MTSS1: variants seen among roughly 807,000 people sequenced by gnomAD.
MTSS1 encodes protein MTSS 1.
In MTSS1, 18 loss-of-function variants were observed where a neutral mutation model predicts 79.0. The observed-to-expected ratio is 0.23, with a 90% CI of 0.16 to 0.34. The LOEUF is 0.34. Among genes scored for constraint, MTSS1 ranks in the 10% least tolerant of loss-of-function variants. The probability of loss-of-function intolerance (pLI) is 1.00; values close to 1 mark genes in which losing one functional copy is unlikely to be tolerated. For synonymous variants in MTSS1, 341 were observed against 368.6 expected (o/e 0.93, Z 0.86); for missense variants, 815 against 986.2 (o/e 0.83, Z 2.33).
Position 124,708,132 on chromosome 8 carries a change from G to A in MTSS1, c.73-3941C>T, listed in dbSNP as rs370017628. Among the ~76,000 whole-genome samples, 16 of 152,184 alleles carry A rather than the reference G, an allele frequency of 1.1e-4. No homozygotes were observed. In the East Asian group the frequency reaches 1.3e-3, roughly 13 times the overall value. On this transcript the variant is annotated intron_variant, in intron 1 of 13. Transcript: ENST00000518547. ...TGAAGGAGATGAATAAAGATTGCAC[G>A]TACAGAAGCCCAATCTCTTGGATTG...
rs35966615 is a variant in MTSS1, at chr8:124,601,062, A to ATTTTTTTT, written c.209-9835_209-9828dup. The stretch of plus-strand genomic sequence containing the variant: ...TGACCCTAGGTTTCCCTTGACTGTA[A>ATTTTTTTT]TTTTTTTTTTTTTTTTTTTTTTGAG... On this transcript the variant is annotated intron_variant, in intron 3 of 13. Transcript: ENST00000518547. 4.4e-3 allele frequency among the ~76,000 whole-genome samples: 391 copies of ATTTTTTTT among 88,614 alleles called. 5 individuals are homozygous for ATTTTTTTT. Among genetic ancestry groups the ATTTTTTTT allele is most frequent in the African/African-American group, 0.014 (364 of 25,146 alleles). The allele number at this position is 88,614 out of a possible 152,430, so 58.1% of individuals were successfully genotyped here.
chr8:124,603,871 C>T (rs182898797), intron 3 of MTSS1, among the ~76,000 whole-genome samples: 36 of 152,296 alleles, frequency 2.4e-4, no homozygotes, highest in African/African-American at 8.2e-4. Flanking sequence ...TCATCTCAGT[C>T]GGGTGTGTCC....
At chr8:124,677,974 C>T (rs1825573656) in intron 3 of MTSS1, among the ~76,000 whole-genome samples, 1 of 152,104 alleles carries the variant, frequency 6.6e-6, no homozygotes, top group South Asian at 2.1e-4. Flanking sequence ...CACTAGATGC[C>T]TCTAACGTGT....
At chr8:124,698,460 A>AATAGGG (rs999934672) in intron 3 of MTSS1, among the ~76,000 whole-genome samples, 2 of 151,982 alleles carry the variant, frequency 1.3e-5, no homozygotes, top group African/African-American at 2.4e-5. Flanking sequence ...CCTCCCTTTG[A>AATAGGG]ATAGGGTAAT....
At chr8:124,590,726 CGGT>C (rs1563811260) in intron 4 of MTSS1, among the ~76,000 whole-genome samples, 1 of 152,204 alleles carries the variant, frequency 6.6e-6, no homozygotes, top group East Asian at 1.9e-4. Context: ...GGGAAGCTGG[CGGT>C]GTGGAGTGGT....
intron 3 of MTSS1, among the ~76,000 whole-genome samples, chr8:124,687,552 CAG>C (rs1014656794): frequency 2.0e-5 from 3 of 152,138 alleles, no homozygotes; most frequent in Non-Finnish European, 2.9e-5. Flanking sequence ...CTGAGAGAGA[CAG>C]GGGTCAGGAA....
intron 1 of MTSS1, among the ~76,000 whole-genome samples, chr8:124,715,941 A>G (rs1028822584): frequency 1.3e-5 from 2 of 152,208 alleles, no homozygotes; most frequent in African/African-American, 2.4e-5. Flanking sequence ...TGGTTGTAGG[A>G]TGATGGGGAA....
chr8:124,617,664 C>G (rs957897712), intron 3 of MTSS1, among the ~76,000 whole-genome samples: 10 of 152,184 alleles, frequency 6.6e-5, no homozygotes, highest in African/African-American at 1.9e-4. Flanking sequence ...AGCCCCTGGG[C>G]ACCCTCTGCG....
intron 3 of MTSS1, among the ~76,000 whole-genome samples, chr8:124,620,936 C>A (rs1417451692): frequency 6.6e-6 from 1 of 152,174 alleles, no homozygotes; most frequent in East Asian, 1.9e-4. Flanking sequence ...AACAGGATCG[C>A]CTAGTTCAGA....
chr8:124,556,007 G>C (rs758561732), intron 12 of MTSS1, 103 bp from the exon 13 acceptor site: 3 of 1,552,142 alleles, frequency 1.9e-6, no homozygotes, highest in African/African-American at 2.7e-5. Context: ...GGGCCAGGGG[G>C]CTATTGACTT....
chr8:124,617,772 T>G (rs1399440071), intron 3 of MTSS1, among the ~76,000 whole-genome samples: 1 of 152,190 alleles, frequency 6.6e-6, no homozygotes, highest in Non-Finnish European at 1.5e-5. Context: ...TTTACCACCA[T>G]GTTTTATACT....
chr8:124,561,248 C>G (rs1825233501), intron 10 of MTSS1, among the ~76,000 whole-genome samples: 1 of 152,110 alleles, frequency 6.6e-6, no homozygotes, highest in African/African-American at 2.4e-5. Context: ...CAAAAGCCCA[C>G]CTCTACTAAA....
intron 3 of MTSS1, among the ~76,000 whole-genome samples, chr8:124,604,685 T>C (rs771310395): frequency 5.3e-5 from 8 of 152,162 alleles, no homozygotes; most frequent in Non-Finnish European, 1.2e-4. Flanking sequence ...GGACAGCTAA[T>C]ACTGCACATT....
At chr8:124,648,948 C>T (rs1819483897) in intron 3 of MTSS1, among the ~76,000 whole-genome samples, 1 of 152,230 alleles carries the variant, frequency 6.6e-6, no homozygotes, top group Non-Finnish European at 1.5e-5. Context: ...ATGAGACATA[C>T]TCCAAGTAGG....
intron 3 of MTSS1, among the ~76,000 whole-genome samples, chr8:124,601,005 G>A (rs1468641077): frequency 6.6e-6 from 1 of 150,610 alleles, no homozygotes; most frequent in Non-Finnish European, 1.5e-5. Flanking sequence ...GAAGGCCGTT[G>A]CCCTTGGCTG....
chr8:124,716,382 A>T (rs905169545), intron 1 of MTSS1, among the ~76,000 whole-genome samples: 3 of 152,236 alleles, frequency 2.0e-5, no homozygotes, highest in Non-Finnish European at 2.9e-5. Context: ...CGTCTGCCTG[A>T]TCGCATTCCA....
At chr8:124,617,610 G>A (rs543025020) in intron 3 of MTSS1, among the ~76,000 whole-genome samples, 1 of 152,196 alleles carries the variant, frequency 6.6e-6, no homozygotes, top group Admixed American at 6.5e-5. Flanking sequence ...GGCGAGAGGG[G>A]TGCAGGGGAT....
chr8:124,677,283 C>A (rs1348326434), intron 3 of MTSS1, among the ~76,000 whole-genome samples: 2 of 152,174 alleles, frequency 1.3e-5, no homozygotes, highest in African/African-American at 2.4e-5. Context: ...TACCTCCACA[C>A]CCCTAGCCCT....
At chr8:124,604,154 A>G (rs1011755663) in intron 3 of MTSS1, among the ~76,000 whole-genome samples, 7 of 152,164 alleles carry the variant, frequency 4.6e-5, no homozygotes, top group African/African-American at 1.7e-4. Flanking sequence ...CGGAGGTTGC[A>G]GTGAGCCGAA....
Sources: gnomAD v4.1 joint callset for allele counts (sites outside exome capture counted in the v4.1 genomes callset) on GRCh38, gnomAD v4.1.1 for gene constraint, MANE v1.5 for transcripts, NCBI Gene and HGNC (gene_info 2026-07-23, HGNC 2026-07-21) for gene names.